ZFAND3: variants seen among roughly 807,000 people sequenced by gnomAD.
ZFAND3 encodes the protein AN1-type zinc finger protein 3.
ZFAND3 carries 10 observed loss-of-function variants against 29.6 expected under a neutral mutation model. That is an observed-to-expected ratio of 0.34 (90% CI 0.21 to 0.57). The LOEUF (loss-of-function observed/expected upper bound fraction) is 0.57. Ranked by LOEUF, ZFAND3 falls within the 20% of genes least tolerant of loss-of-function variation. ZFAND3 has a pLI of 0.86. For synonymous variants in ZFAND3, 128 were observed against 112.6 expected (o/e 1.14, Z -0.87); for missense variants, 230 against 304.5 (o/e 0.76, Z 1.82).
intron 1 of ZFAND3, among the ~76,000 whole-genome samples, chr6:37,835,752 T>TA (rs397970543): frequency 1.3e-5 from 2 of 152,146 alleles, no homozygotes; most frequent in Non-Finnish European, 2.9e-5. Context: ...TTCTTTTTTT[T>TA]AACACAAATA....
chr6:38,118,801 C>G (rs1765470981), intron 5 of ZFAND3, among the ~76,000 whole-genome samples: 1 of 151,142 alleles, frequency 6.6e-6, no homozygotes, highest in Non-Finnish European at 1.5e-5. Flanking sequence ...TAGATGACTT[C>G]ACATTCACTC....
chr6:37,823,781 T>C (rs1310932551), intron 1 of ZFAND3, among the ~76,000 whole-genome samples: 2 of 150,846 alleles, frequency 1.3e-5, no homozygotes, highest in Non-Finnish European at 3.0e-5. Context: ...ATTATATATG[T>C]ATTTTTTTGT....
intron 2 of ZFAND3, among the ~76,000 whole-genome samples, chr6:37,982,167 A>G (rs2127432707): frequency 6.6e-6 from 1 of 151,244 alleles, no homozygotes; most frequent in Non-Finnish European, 1.5e-5. Flanking sequence ...TTTGTCCACA[A>G]GGAATTTCCT....
intron 3 of ZFAND3, among the ~76,000 whole-genome samples, chr6:38,078,106 C>T (rs906651395): frequency 1.3e-5 from 2 of 152,224 alleles, no homozygotes; most frequent in African/African-American, 4.8e-5. Flanking sequence ...AGTCAGTACT[C>T]TTTCCCCGGG....
At chr6:37,946,752 C>T (rs1450157705) in intron 2 of ZFAND3, among the ~76,000 whole-genome samples, 2 of 152,118 alleles carry the variant, frequency 1.3e-5, no homozygotes, top group Non-Finnish European at 2.9e-5. Flanking sequence ...ACCTTGACAA[C>T]ATTATGCTAA....
chr6:38,092,243 CTG>C (rs1218836322), intron 4 of ZFAND3, among the ~76,000 whole-genome samples: 5 of 152,194 alleles, frequency 3.3e-5, no homozygotes, highest in Non-Finnish European at 7.4e-5. Context: ...AGCTGAGACA[CTG>C]TGGTTAGGCA....
intron 5 of ZFAND3, among the ~76,000 whole-genome samples, chr6:38,122,607 C>G (rs1343140175): frequency 6.6e-6 from 1 of 152,112 alleles, no homozygotes; most frequent in African/African-American, 2.4e-5. Context: ...TTTGGCGTAA[C>G]AGCATGTGTC....
intron 5 of ZFAND3, among the ~76,000 whole-genome samples, chr6:38,148,087 T>G (rs557868597): frequency 6.6e-6 from 1 of 152,318 alleles, no homozygotes; most frequent in South Asian, 2.1e-4. Flanking sequence ...TCTTACAGTT[T>G]CAGGTCTTGA....
chr6:37,849,393 A>G (rs1764241565), intron 1 of ZFAND3, among the ~76,000 whole-genome samples: 1 of 152,030 alleles, frequency 6.6e-6, no homozygotes, highest in Non-Finnish European at 1.5e-5. Context: ...TTGTGCCATT[A>G]GTATTTTTAT....
chr6:37,819,756 G>T lies in ZFAND3; in HGVS notation c.-190G>T. 4.3e-6 allele frequency: 1 copy of T among 232,092 alleles called. No individual in the cohort carries two copies. Among genetic ancestry groups the T allele is most frequent in the Non-Finnish European group, 7.8e-6 (1 of 128,542 alleles). The allele number at this position is 232,092 out of a possible 1,614,324, so 14.4% of individuals were successfully genotyped here. On this transcript the variant is annotated 5_prime_UTR_variant, in exon 1 of 6. Coordinates refer to ENST00000287218, the MANE Select transcript of ZFAND3 (RefSeq NM_021943.3). Reference sequence around the variant, plus strand: ...CCGTCTCCGCAGGCCGAGTGGTGCGGCCCGCCTCCAGCTGACCGGCCTGGA... The same window carrying T: ...CCGTCTCCGCAGGCCGAGTGGTGCGTCCCGCCTCCAGCTGACCGGCCTGGA...
intron 2 of ZFAND3, among the ~76,000 whole-genome samples, chr6:38,023,282 AT>A (rs1763384464): frequency 6.6e-6 from 1 of 152,198 alleles, no homozygotes; most frequent in Non-Finnish European, 1.5e-5. Context: ...TAAGGTAGAC[AT>A]TACCCCTTTT....
intron 5 of ZFAND3, among the ~76,000 whole-genome samples, chr6:38,118,942 C>T (rs1042438800): frequency 2.6e-5 from 4 of 152,102 alleles, no homozygotes; most frequent in African/African-American, 9.7e-5. Flanking sequence ...TTTAAATGTT[C>T]TAACATGTAG....
chr6:37,978,904 G>A (rs781412612), intron 2 of ZFAND3, among the ~76,000 whole-genome samples: 1 of 151,466 alleles, frequency 6.6e-6, no homozygotes, highest in South Asian at 2.1e-4. Context: ...CTTTTAATAT[G>A]CATAAAACTG....
chr6:37,819,854 C>A lies in ZFAND3; in HGVS notation c.-92C>A, dbSNP rs911915897. 1.5e-4 allele frequency: 147 copies of A among 979,548 alleles called. No homozygotes were observed. In the African/African-American group the frequency reaches 2.4e-3, roughly 16 times the overall value. The allele number at this position is 979,548 out of a possible 1,614,324, so 60.7% of individuals were successfully genotyped here. A position where few individuals can be genotyped will look rare whatever the true frequency, so the allele number is the denominator to read the frequency against. On this transcript the variant is annotated 5_prime_UTR_variant, in exon 1 of 6. Transcript: ENST00000287218. ...TTCCCCCTCCCCCCGCCCCGAGCCC[C>A]CCGACGCCGCCGCCACCGCCTCCTC...
intron 2 of ZFAND3, among the ~76,000 whole-genome samples, chr6:38,059,773 G>T (rs928899072): frequency 6.6e-6 from 1 of 152,042 alleles, no homozygotes; most frequent in East Asian, 1.9e-4. Context: ...GCTACTCGGG[G>T]GCTGAGGCAG....
At chr6:38,037,937 AC>A (rs1204594841) in intron 2 of ZFAND3, among the ~76,000 whole-genome samples, 2 of 152,162 alleles carry the variant, frequency 1.3e-5, no homozygotes, top group Non-Finnish European at 2.9e-5. Flanking sequence ...GCAGTGAGTG[AC>A]TTTTCCTTCA....
chr6:37,828,680 G>A (rs1170041354), intron 1 of ZFAND3, among the ~76,000 whole-genome samples: 2 of 150,936 alleles, frequency 1.3e-5, no homozygotes, highest in African/African-American at 2.4e-5. Context: ...ACGGAGTCTC[G>A]CTGTGTCGCC....
At chr6:37,863,608 GT>G (rs779431404) in intron 1 of ZFAND3, among the ~76,000 whole-genome samples, 189 of 144,228 alleles carry the variant, frequency 1.3e-3, no homozygotes, top group Middle Eastern at 0.011. Flanking sequence ...GGTTTCACAG[GT>G]TTTTTTTTTT....
intron 4 of ZFAND3, among the ~76,000 whole-genome samples, chr6:38,104,700 C>G (rs1207655792): frequency 6.6e-6 from 1 of 152,068 alleles, no homozygotes; most frequent in Non-Finnish European, 1.5e-5. Flanking sequence ...GAGCAGAGAA[C>G]AAGTAGATTT....
Sources: gnomAD v4.1 joint callset for allele counts (sites outside exome capture counted in the v4.1 genomes callset) on GRCh38, gnomAD v4.1.1 for gene constraint, MANE v1.5 for transcripts, NCBI Gene and HGNC (gene_info 2026-07-23, HGNC 2026-07-21) for gene names.